SMARCA4: variants seen among roughly 807,000 people sequenced by gnomAD.
SMARCA4 encodes SWI/SNF related BAF chromatin remodeling complex subunit ATPase 4.
A neutral mutation model predicts 193.9 loss-of-function variants in SMARCA4; 31 were observed. The ratio of observed to expected loss-of-function variants is 0.16; its 90% confidence interval spans 0.12 to 0.22. The LOEUF (loss-of-function observed/expected upper bound fraction) is 0.22. Ranked by LOEUF, SMARCA4 falls within the 10% of genes least tolerant of loss-of-function variation. The pLI is 1.00. For missense variants in SMARCA4, 1,148 were observed against 2,296.0 expected (o/e 0.50, Z 10.22); for synonymous variants, 942 against 933.1 (o/e 1.01, Z -0.17).
In SMARCA4 at chr19:11,031,664, C is replaced by T. The variant is rs538008868; in HGVS notation, c.3546+771C>T. ...GAAGCTACCCAGCCATCTAATCGGC[C>T]ACCAGGCGTCCCGGCAGATGGCCAC... On this transcript the variant is annotated intron_variant, in intron 25 of 34. Coordinates refer to ENST00000344626, the MANE Select transcript of SMARCA4 (RefSeq NM_003072.5). This position sits in a 1 kb window ranked among gnomAD's most constrained non-coding sequence, Gnocchi z 4.3. 2 of 152,430 alleles carry T rather than the reference C, an allele frequency of 1.3e-5. No homozygotes were observed. Among genetic ancestry groups the T allele is most frequent in the African/African-American group, 4.8e-5 (2 of 41,580 alleles). 9.4% of individuals were successfully genotyped at this position (152,430 alleles called of 1,614,324 possible).
chr19:11,044,280 G>A (rs547486547), intron 30 of SMARCA4, among the ~76,000 whole-genome samples: 1 of 152,302 alleles, frequency 6.6e-6, no homozygotes, highest in South Asian at 2.1e-4. Context: ...CTAGAAGAAA[G>A]CACGGGAGAA....
At chr19:11,022,458 A>G (rs1253502619) in intron 19 of SMARCA4, among the ~76,000 whole-genome samples, 1 of 152,254 alleles carries the variant, frequency 6.6e-6, no homozygotes, top group East Asian at 1.9e-4. Context: ...GGGTGGCACC[A>G]TCAGCCAGAC....
At chr19:10,972,740 T>C (rs1360427598) in intron 1 of SMARCA4, among the ~76,000 whole-genome samples, 7 of 152,186 alleles carry the variant, frequency 4.6e-5, no homozygotes, top group Non-Finnish European at 7.3e-5. Flanking sequence ...ACGCTCAGTG[T>C]TGCGTATATA....
In SMARCA4 at chr19:11,030,977, C is replaced by T. The variant is rs1325847832; in HGVS notation, c.3546+84C>T. The T allele has an allele frequency of 8.1e-7, 1 of 1,231,354 alleles. No homozygotes were observed. Among genetic ancestry groups the T allele is most frequent in the Middle Eastern group, 2.1e-4 (1 of 4,774 alleles). The allele number at this position is 1,231,354 out of a possible 1,614,324, so 76.3% of individuals were successfully genotyped here. A position where few individuals can be genotyped will look rare whatever the true frequency, so the allele number is the denominator to read the frequency against. On this transcript the variant is annotated intron_variant, in intron 25 of 34. Transcript: ENST00000344626. The surrounding 1 kb of genome is among the most constrained non-coding windows in gnomAD (Gnocchi z 5.5). ...AGGAGACGGCCCTGGCTTGAGGGTC[C>T]TCCAGCCTCCTCCACATTGTCTTGG...
chr19:10,974,986 C>A lies in SMARCA4; in HGVS notation c.-31-9135C>A, dbSNP rs191681239. On this transcript the variant is annotated intron_variant, in intron 1 of 34. Transcript: ENST00000344626. The stretch of plus-strand genomic sequence containing the variant: ...GTGCTGGGATTACAGCTGTGAGACA[C>A]CATGCCCAGCCATATGCATATATAG... Among the ~76,000 whole-genome samples, 32 of 149,186 alleles carry A rather than the reference C, an allele frequency of 2.1e-4. No homozygotes were observed. In the East Asian group the frequency reaches 5.1e-3, roughly 24 times the overall value.
chr19:11,061,165 G>A (rs2076838336), intron 34 of SMARCA4, among the ~76,000 whole-genome samples: 1 of 139,380 alleles, frequency 7.2e-6, no homozygotes, highest in Non-Finnish European at 1.5e-5. Flanking sequence ...TCCAGCCTGG[G>A]CAACAGAGCA....
intron 14 of SMARCA4, among the ~76,000 whole-genome samples, chr19:11,009,854 A>G (rs1018068529): frequency 4.6e-5 from 7 of 151,626 alleles, no homozygotes; most frequent in Non-Finnish European, 7.4e-5. Context: ...ACGCCCGGCT[A>G]ATTTTTGTAT....
intron 1 of SMARCA4, among the ~76,000 whole-genome samples, chr19:10,965,970 G>GTTTTTTTTTTTTTTTTTTTTTTT (rs372236923): frequency 1.3e-5 from 1 of 78,934 alleles, no homozygotes; most frequent in African/African-American, 4.7e-5. Context: ...TAGTGGCATG[G>GTTTTTTTTTTTTTTTTTTTTTTT]TTTTTTTTTT....
intron 11 of SMARCA4, among the ~76,000 whole-genome samples, chr19:11,001,127 T>G (rs907790298): frequency 3.3e-5 from 5 of 152,228 alleles, no homozygotes; most frequent in Admixed American, 6.5e-5. Context: ...AGGTCATGGC[T>G]CACCGCAGCC....
At chr19:11,050,034 G>T (rs2146962873) in intron 30 of SMARCA4, among the ~76,000 whole-genome samples, 1 of 152,314 alleles carries the variant, frequency 6.6e-6, no homozygotes, top group African/African-American at 2.4e-5. Context: ...CCCAGGAGGA[G>T]GTTTCGGTGA....
At chr19:10,977,299 G>A (rs2085215630) in intron 1 of SMARCA4, among the ~76,000 whole-genome samples, 3 of 151,996 alleles carry the variant, frequency 2.0e-5, no homozygotes, top group South Asian at 2.1e-4. Context: ...GGGAGGCTGC[G>A]TTACGGACTC....
At chr19:11,061,068 A>T (rs2076834791) in intron 34 of SMARCA4, among the ~76,000 whole-genome samples, 2 of 151,706 alleles carry the variant, frequency 1.3e-5, no homozygotes, top group Admixed American at 6.6e-5. Context: ...CACACCTGTA[A>T]TCCCAGCACT....
At chr19:10,967,543 C>T (rs1010461076) in intron 1 of SMARCA4, among the ~76,000 whole-genome samples, 1 of 151,554 alleles carries the variant, frequency 6.6e-6, no homozygotes, top group Non-Finnish European at 1.5e-5. Flanking sequence ...ATCTCCTGAC[C>T]TCGTTATCCG....
At chr19:10,973,958 G>A (rs552125725) in intron 1 of SMARCA4, among the ~76,000 whole-genome samples, 2 of 152,178 alleles carry the variant, frequency 1.3e-5, no homozygotes, top group South Asian at 4.2e-4. Flanking sequence ...AAGCCATCCT[G>A]CCCATTGCTG....
chr19:10,973,850 G>A (rs1179418475), intron 1 of SMARCA4, among the ~76,000 whole-genome samples: 2 of 152,124 alleles, frequency 1.3e-5, no homozygotes, highest in East Asian at 3.8e-4. Flanking sequence ...GATTACAGGC[G>A]TGAGCCACCG....
At chr19:11,054,591 G>A (rs1424674700) in intron 30 of SMARCA4, among the ~76,000 whole-genome samples, 1 of 152,136 alleles carries the variant, frequency 6.6e-6, no homozygotes, top group African/African-American at 2.4e-5. Context: ...TCAGGAGTTC[G>A]AGACCAGCCT....
At chr19:11,039,597 C>A in intron 29 of SMARCA4, 1 of 1,197,068 alleles carries the variant, frequency 8.4e-7, no homozygotes, top group Non-Finnish European at 1.2e-6. Context: ...GGCTGCACAA[C>A]ACTGGGGACG....
At chr19:11,039,602 G>A in intron 29 of SMARCA4, 3 of 1,103,538 alleles carry the variant, frequency 2.7e-6, no homozygotes, top group Non-Finnish European at 3.9e-6. Flanking sequence ...CACAACACTG[G>A]GGACGTGCCT....
At chr19:11,018,936 C>G (rs201594748) in intron 16 of SMARCA4, 21 bp from the exon 17 acceptor site, 106 of 1,609,654 alleles carry the variant, frequency 6.6e-5, no homozygotes, top group Non-Finnish European at 8.0e-5. Context: ...GCACTTGACT[C>G]TCATTTCCTT....
Sources: allele counts gnomAD v4.1 joint callset (sites outside exome capture counted in the v4.1 genomes callset), GRCh38; gene constraint gnomAD v4.1.1; non-coding constraint Gnocchi (gnomAD v3.1); transcripts MANE v1.5; gene names NCBI Gene and HGNC (gene_info 2026-07-23, HGNC 2026-07-21).